The following CYP27C1 variants were observed in gnomAD, a reference collection of about 807,000 sequenced individuals.
The protein encoded by CYP27C1 is cytochrome P450 family 27 subfamily C member 1.
CYP27C1 carries 29 observed loss-of-function variants against 40.6 expected under a neutral mutation model. The observed-to-expected ratio is 0.71, with a 90% CI of 0.53 to 0.97. The LOEUF is 0.97. CYP27C1 is among the 50% of genes least tolerant of loss of function. CYP27C1 has a pLI of 0.00. For missense variants in CYP27C1, 390 were observed against 485.8 expected, an observed-to-expected ratio of 0.80 and a Z score of 1.85; for synonymous variants, 198 against 186.8, an observed-to-expected ratio of 1.06 and a Z score of -0.49.
chr2:127,206,400 C>T (rs1443769601), intron 1 of CYP27C1, among the ~76,000 whole-genome samples: 2 of 152,252 alleles, frequency 1.3e-5, no homozygotes, highest in South Asian at 4.2e-4. Context: ...CCTCCAACTC[C>T]TGGGCCCAGG....
At chr2:127,204,593 G>GAAAGAA (rs1683176427) in intron 2 of CYP27C1, among the ~76,000 whole-genome samples, 1 of 97,096 alleles carries the variant, frequency 1.0e-5, no homozygotes, top group Non-Finnish European at 2.1e-5. Context: ...AAGAAAGAAA[G>GAAAGAA]AAAGAAAGAA....
intron 2 of CYP27C1, among the ~76,000 whole-genome samples, chr2:127,204,547 GAGAGAGAGAGAAAGAAAGAAAGAAAGAA>G (rs1159525564): frequency 1.5e-5 from 1 of 64,806 alleles, no homozygotes; most frequent in Non-Finnish European, 3.1e-5. Context: ...GAGAGAGAGA[GAGAGAGAGAGAAAGAAAGAAAGAAAGAA>G]AGAAAGAAAG....
Position 127,196,601 on chromosome 2 carries a change from T to C in CYP27C1, c.1048-1100A>G, listed in dbSNP as rs2104681058. 6.6e-6 allele frequency among the ~76,000 whole-genome samples: 1 copy of C among 152,318 alleles called. No homozygotes were observed. Among genetic ancestry groups the C allele is most frequent in the Non-Finnish European group, 1.5e-5 (1 of 68,038 alleles). Reference sequence around the variant, plus strand: ...TTCTTGTAGAAGATATCACGTGTTTTAGAGGGCAGCCCTCTTGTATATATA... The same window carrying C: ...TTCTTGTAGAAGATATCACGTGTTTCAGAGGGCAGCCCTCTTGTATATATA... On this transcript the variant is annotated intron_variant, in intron 5 of 8. Coordinates refer to ENST00000664447, the MANE Select transcript of CYP27C1 (RefSeq NM_001367502.1). This position sits in a 1 kb window ranked among gnomAD's most constrained non-coding sequence, Gnocchi z 4.5.
intron 1 of CYP27C1, among the ~76,000 whole-genome samples, chr2:127,211,496 C>T (rs2104699373): frequency 6.6e-6 from 1 of 150,834 alleles, no homozygotes; most frequent in East Asian, 1.9e-4. Flanking sequence ...CATTCTCCTG[C>T]CTCAACCTCC....
chr2:127,192,038 C>T (rs1029698244), intron 8 of CYP27C1, among the ~76,000 whole-genome samples: 1 of 152,190 alleles, frequency 6.6e-6, no homozygotes, highest in African/African-American at 2.4e-5. Context: ...AATCCCTCTA[C>T]CCCTCCTCCC....
rs547221965 is a variant in CYP27C1, at chr2:127,219,659, T to G, written c.282+330A>C. ...AGCCGTTCCTTTCTGGCCCCGTTCC[T>G]CAGCTCCCTCTGCCTGCTGCCCCTC... is the stretch of plus-strand genomic sequence containing the variant. On this transcript the variant is annotated intron_variant, in intron 1 of 8. Transcript: ENST00000664447. The surrounding 1 kb of genome is among the most constrained non-coding windows in gnomAD (Gnocchi z 8.7). Among the ~76,000 whole-genome samples the G allele has an allele frequency of 6.8e-6, 1 of 147,904 alleles. No homozygotes were observed. Among genetic ancestry groups the G allele is most frequent in the Non-Finnish European group, 1.5e-5 (1 of 66,938 alleles).
intron 1 of CYP27C1, among the ~76,000 whole-genome samples, chr2:127,211,387 T>G (rs1490186310): frequency 6.5e-5 from 8 of 122,528 alleles, no homozygotes; most frequent in East Asian, 2.4e-4. Flanking sequence ...TTTTTTTTTT[T>G]TTTTTTTTTT....
rs1558936580 is a variant in CYP27C1, at chr2:127,220,211, C to T, written c.60G>A (p.Gly20=). 6.6e-6 allele frequency: 1 copy of T among 150,698 alleles called. No individual in the cohort carries two copies. Among genetic ancestry groups the T allele is most frequent in the Non-Finnish European group, 1.5e-5 (1 of 67,610 alleles). 9.3% of individuals were successfully genotyped at this position (150,698 alleles called of 1,614,324 possible). A position where few individuals can be genotyped will look rare whatever the true frequency, so the allele number is the denominator to read the frequency against. The part of the protein sequence containing the change: ...AGLRPAPERG[G]LLGGGAPRRP... ...GCCGCGGGGCCCCGCCGCCCAGGAG[C>T]CCACCCCGCTCGGGCGCCGGCCGCA... Residue 20 remains glycine, a synonymous_variant, in exon 1 of 9, where the codon GGG becomes GGA. Coordinates refer to ENST00000664447, the MANE Select transcript of CYP27C1 (RefSeq NM_001367502.1). The surrounding 1 kb of genome is among the most constrained non-coding windows in gnomAD (Gnocchi z 4.6).
intron 2 of CYP27C1, 140 bp from the exon 3 acceptor site, chr2:127,203,711 C>T: frequency 1.2e-6 from 1 of 821,468 alleles, no homozygotes; most frequent in Non-Finnish European, 1.8e-6. Flanking sequence ...ACAGGAAAGA[C>T]TTTTTGCTGG....
In CYP27C1 at chr2:127,208,512, C is replaced by A. The variant is rs928230467; in HGVS notation, c.283-2422G>T. ...CTCCTGAGGGGATGGGCGACCAGCA[C>A]CAGCTGCGGCTGCCTGCTGTCTAAG... On this transcript the variant is annotated intron_variant, in intron 1 of 8. Coordinates refer to ENST00000664447, the MANE Select transcript of CYP27C1 (RefSeq NM_001367502.1). This position sits in a 1 kb window ranked among gnomAD's most constrained non-coding sequence, Gnocchi z 5.2. Among the ~76,000 whole-genome samples, 7 of 152,242 alleles carry A rather than the reference C, an allele frequency of 4.6e-5. No individual in the cohort carries two copies. Among genetic ancestry groups the A allele is most frequent in the Admixed American group, 1.3e-4 (2 of 15,288 alleles).
rs1213229760 is a variant in CYP27C1 at position 127,219,908 on chromosome 2, T to C, written c.282+81A>G. 2 of 144,502 alleles carry C rather than the reference T, an allele frequency of 1.4e-5. No homozygotes were observed. Among genetic ancestry groups the C allele is most frequent in the Non-Finnish European group, 3.0e-5 (2 of 65,766 alleles). 9.0% of individuals were successfully genotyped at this position (144,502 alleles called of 1,614,324 possible). A position where few individuals can be genotyped will look rare whatever the true frequency, so the allele number is the denominator to read the frequency against. On this transcript the variant is annotated intron_variant, in intron 1 of 8. Transcript: ENST00000664447. The surrounding 1 kb of genome is among the most constrained non-coding windows in gnomAD (Gnocchi z 8.7). ...CTGGGACTCCCCAACCCCGCGCCCC[T>C]CCCTGGCGCCCTCCCGCCCGCGCCG... is the stretch of plus-strand genomic sequence containing the variant.
intron 5 of CYP27C1, among the ~76,000 whole-genome samples, chr2:127,199,011 G>A (rs950162078): frequency 2.6e-5 from 4 of 152,340 alleles, no homozygotes; most frequent in East Asian, 3.9e-4. Context: ...ACGGCCAGTC[G>A]CAGTGGCTCA....
At position 127,201,056 on chromosome 2, in the gene CYP27C1, G is replaced by C. The variant is rs1573898269; in HGVS notation, c.883+66C>G. 9 of 1,470,498 alleles carry C rather than the reference G, an allele frequency of 6.1e-6. No individual in the cohort carries two copies. The highest frequency in any genetic ancestry group is 7.6e-6 in the Non-Finnish European group (8 of 1,057,900). 91.1% of individuals were successfully genotyped at this position (1,470,498 alleles called of 1,614,324 possible). ...CTATGGTCACCCATTGTCTGGATGA[G>C]AGTTAGACACACAACACGGCAGGTC... On this transcript the variant is annotated intron_variant, in intron 4 of 8. Transcript: ENST00000664447. This position sits in a 1 kb window ranked among gnomAD's most constrained non-coding sequence, Gnocchi z 6.0.
At chr2:127,191,794 G>A (rs1682780780) in intron 8 of CYP27C1, among the ~76,000 whole-genome samples, 1 of 152,198 alleles carries the variant, frequency 6.6e-6, no homozygotes, top group Non-Finnish European at 1.5e-5. Context: ...TACACATCGA[G>A]CTGCCACTCA....
At chr2:127,205,607 C>G (rs1683208351) in intron 2 of CYP27C1, 2 of 884,378 alleles carry the variant, frequency 2.3e-6, no homozygotes, top group Admixed American at 6.2e-5. Flanking sequence ...TCGGTTATCA[C>G]TGAATGGACT....
In CYP27C1 at chr2:127,186,113, T is replaced by C. The variant is rs1336794335; in HGVS notation, c.*1158A>G. ...TACATTGTTTTCCATGCTGCCTGTT[T>C]TATTACTTCTCACAACTTAGGCAAC... is the stretch of plus-strand genomic sequence containing the variant. On this transcript the variant is annotated 3_prime_UTR_variant, in exon 9 of 9. Coordinates refer to ENST00000664447, the MANE Select transcript of CYP27C1 (RefSeq NM_001367502.1). The surrounding 1 kb of genome is among the most constrained non-coding windows in gnomAD (Gnocchi z 4.5). 6.6e-6 allele frequency: 1 copy of C among 152,210 alleles called. No homozygotes were observed. The highest frequency in any genetic ancestry group is 2.4e-5 in the African/African-American group (1 of 41,460). The allele number at this position is 152,210 out of a possible 1,614,324, so 9.4% of individuals were successfully genotyped here. A position where few individuals can be genotyped will look rare whatever the true frequency, so the allele number is the denominator to read the frequency against.
intron 2 of CYP27C1, 101 bp from the exon 3 acceptor site, chr2:127,203,672 C>A: frequency 2.5e-6 from 3 of 1,191,142 alleles, no homozygotes; most frequent in Non-Finnish European, 3.6e-6. Context: ...AAAGAATCAA[C>A]AAGAGCTGCC....
intron 6 of CYP27C1, among the ~76,000 whole-genome samples, 159 bp from the exon 7 acceptor site, chr2:127,194,026 C>T (rs533007383): frequency 5.3e-5 from 8 of 152,344 alleles, no homozygotes; most frequent in Admixed American, 3.3e-4. Flanking sequence ...ACCTTTGCTG[C>T]TTCTTTGTTG....
At chr2:127,193,997 A>C (rs1682848229) in intron 6 of CYP27C1, 130 bp from the exon 7 acceptor site, 2 of 1,032,642 alleles carry the variant, frequency 1.9e-6, no homozygotes, top group South Asian at 3.2e-5. Context: ...TACATTTTCA[A>C]CTGAAACATT....
Sources: gnomAD v4.1 joint callset for allele counts (sites outside exome capture counted in the v4.1 genomes callset) on GRCh38, gnomAD v4.1.1 for gene constraint, Gnocchi (gnomAD v3.1) non-coding constraint, MANE v1.5 for transcripts, NCBI Gene and HGNC (gene_info 2026-07-23, HGNC 2026-07-21) for gene names.